The following ERBB4 variants were observed in gnomAD, a reference collection of about 807,000 sequenced individuals.
ERBB4 encodes receptor tyrosine-protein kinase erbB-4.
ERBB4 carries 42 observed loss-of-function variants against 158.0 expected under a neutral mutation model. That is an observed-to-expected ratio of 0.27 (90% confidence interval 0.21 to 0.34). The LOEUF (loss-of-function observed/expected upper bound fraction) is 0.34. ERBB4 is among the 10% of genes least tolerant of loss of function. The pLI, the probability that ERBB4 is intolerant of heterozygous loss-of-function variation, is 1.00. For synonymous variants in ERBB4, 583 were observed against 558.7 expected (o/e 1.04, Z -0.61); for missense variants, 1,333 against 1,624.1 (o/e 0.82, Z 3.08).
intron 1 of ERBB4, among the ~76,000 whole-genome samples, chr2:212,503,485 C>T (rs1324774653): frequency 6.6e-6 from 1 of 152,144 alleles, no homozygotes; most frequent in African/African-American, 2.4e-5. Flanking sequence ...ACTTCAACTG[C>T]AAATAGCATC....
At chr2:212,124,646 C>G in intron 2 of ERBB4, 106 bp downstream of exon 2, 1 of 1,282,766 alleles carries the variant, frequency 7.8e-7, no homozygotes, top group Admixed American at 1.7e-5. Context: ...ACAGTGCCTG[C>G]CAGGCAGAAG....
chr2:212,188,233 TCCCCCCCC>T lies in ERBB4; in HGVS notation c.83-63338_83-63331del, dbSNP rs1401740081. ...CTCTCTCTCTCTCTCTCTCTCTCTC[TCCCCCCCC>T]CTCTCACCCCCTCCCTCCCTCCCTC... On this transcript the variant is annotated intron_variant, in intron 1 of 27. Transcript: ENST00000342788. Among the ~76,000 whole-genome samples the T allele has an allele frequency of 1.8e-3, 30 of 16,572 alleles. 1 individual carries two copies. The highest frequency in any genetic ancestry group is 8.5e-3 in the South Asian group (1 of 118). 10.9% of individuals were successfully genotyped at this position (16,572 alleles called of 152,430 possible). A position where few individuals can be genotyped will look rare whatever the true frequency, so the allele number is the denominator to read the frequency against.
chr2:212,041,262 C>G (rs921160196), intron 2 of ERBB4, among the ~76,000 whole-genome samples: 4 of 152,024 alleles, frequency 2.6e-5, no homozygotes, highest in African/African-American at 9.7e-5. Context: ...CCACTAGCTG[C>G]CAATGTTTAG....
At chr2:211,680,531 G>A (rs1553609166) in intron 12 of ERBB4, among the ~76,000 whole-genome samples, 1 of 152,134 alleles carries the variant, frequency 6.6e-6, no homozygotes, top group Non-Finnish European at 1.5e-5. Context: ...GGTGGGTTGG[G>A]ATGGCACTGA....
intron 1 of ERBB4, among the ~76,000 whole-genome samples, chr2:212,300,424 T>C (rs1021801298): frequency 1.3e-5 from 2 of 151,638 alleles, no homozygotes; most frequent in Non-Finnish European, 3.0e-5. Context: ...AGGGTTCGCG[T>C]GTTTTTTAAG....
intron 2 of ERBB4, among the ~76,000 whole-genome samples, chr2:212,077,998 A>G (rs1446945278): frequency 6.6e-6 from 1 of 152,108 alleles, no homozygotes; most frequent in Non-Finnish European, 1.5e-5. Flanking sequence ...TAAGGCTAAT[A>G]TAAGAAATGA....
intron 20 of ERBB4, among the ~76,000 whole-genome samples, chr2:211,443,571 G>T (rs1030577308): frequency 6.6e-6 from 1 of 151,988 alleles, no homozygotes. Context: ...AAGGTTAAAA[G>T]CACATATCAT....
chr2:211,639,049 G>T (rs1243551589), intron 16 of ERBB4, among the ~76,000 whole-genome samples: 3 of 152,116 alleles, frequency 2.0e-5, no homozygotes, highest in Admixed American at 6.6e-5. Context: ...ACGCCAGGAA[G>T]AACTTTCCTT....
chr2:212,317,187 A>G (rs1230159795), intron 1 of ERBB4, among the ~76,000 whole-genome samples: 3 of 151,480 alleles, frequency 2.0e-5, no homozygotes, highest in Non-Finnish European at 4.4e-5. Flanking sequence ...TTTCCAACTA[A>G]TAGAAAATCA....
chr2:211,773,331 ATGTG>A (rs1050362386), intron 4 of ERBB4, among the ~76,000 whole-genome samples: 1 of 151,652 alleles, frequency 6.6e-6, no homozygotes, highest in Non-Finnish European at 1.5e-5. Context: ...TATTGTATGT[ATGTG>A]TGTATGTATA....
At chr2:211,567,729 G>C (rs1044791220) in intron 19 of ERBB4, among the ~76,000 whole-genome samples, 1 of 150,498 alleles carries the variant, frequency 6.6e-6, no homozygotes, top group African/African-American at 2.4e-5. Flanking sequence ...GAGTATTTGC[G>C]TAATAGTTCT....
chr2:212,436,941 G>T (rs1273849256), intron 1 of ERBB4, among the ~76,000 whole-genome samples: 11 of 151,966 alleles, frequency 7.2e-5, no homozygotes, highest in Non-Finnish European at 1.3e-4. Context: ...AGCACTAGAG[G>T]CTAGAAAAGA....
At chr2:212,178,361 T>C (rs2081745264) in intron 1 of ERBB4, among the ~76,000 whole-genome samples, 3 of 151,672 alleles carry the variant, frequency 2.0e-5, no homozygotes, top group Non-Finnish European at 2.9e-5. Flanking sequence ...TAGGGCAAGA[T>C]GATGATGCCC....
intron 2 of ERBB4, among the ~76,000 whole-genome samples, chr2:212,044,588 GC>G (rs1324002468): frequency 2.0e-5 from 3 of 151,976 alleles, no homozygotes; most frequent in African/African-American, 7.2e-5. Context: ...ACATCTACTA[GC>G]TTTTATAACA....
chr2:211,791,383 A>C (rs937413157), intron 3 of ERBB4, among the ~76,000 whole-genome samples: 1 of 151,922 alleles, frequency 6.6e-6, no homozygotes, highest in East Asian at 1.9e-4. Flanking sequence ...CCTGTGTTAT[A>C]CCAACCAACA....
chr2:211,585,145 G>A (rs1177323425), intron 19 of ERBB4, among the ~76,000 whole-genome samples: 5 of 152,096 alleles, frequency 3.3e-5, no homozygotes, highest in Non-Finnish European at 7.4e-5. Context: ...GAAGTCAGGA[G>A]ATCGAGACCA....
At chr2:211,916,058 G>GT in intron 3 of ERBB4, among the ~76,000 whole-genome samples, 1 of 151,636 alleles carries the variant, frequency 6.6e-6, no homozygotes, top group Non-Finnish European at 1.5e-5. Flanking sequence ...ATGTAATCGT[G>GT]TTTAAGTTAC....
chr2:211,446,003 G>C (rs1483322583), intron 20 of ERBB4, among the ~76,000 whole-genome samples: 1 of 152,308 alleles, frequency 6.6e-6, no homozygotes, highest in South Asian at 2.1e-4. Context: ...AGCAACAAAG[G>C]AAATGTTGGA....
At chr2:211,720,613 T>C (rs956963392) in intron 7 of ERBB4, among the ~76,000 whole-genome samples, 7 of 152,252 alleles carry the variant, frequency 4.6e-5, no homozygotes, top group African/African-American at 1.7e-4. Flanking sequence ...CATACCATTA[T>C]GTGGCTTATG....
Sources: gnomAD v4.1 joint callset for allele counts (sites outside exome capture counted in the v4.1 genomes callset) on GRCh38, gnomAD v4.1.1 for gene constraint, MANE v1.5 for transcripts, NCBI Gene and HGNC (gene_info 2026-07-23, HGNC 2026-07-21) for gene names.